The following IFT122 variants were observed in gnomAD, a reference collection of about 807,000 sequenced individuals.
The protein encoded by IFT122 is intraflagellar transport 122.
A neutral mutation model predicts 161.6 loss-of-function variants in IFT122; 118 were observed. The observed-to-expected ratio is 0.73, with a 90% CI of 0.63 to 0.85. The LOEUF is 0.85. IFT122 is among the 40% of genes least tolerant of loss of function. The pLI is 0.00. For synonymous variants in IFT122, 550 were observed against 602.4 expected, an observed-to-expected ratio of 0.91 and a Z score of 1.27; for missense variants, 1,381 against 1,579.6, an observed-to-expected ratio of 0.87 and a Z score of 2.13.
At chr3:129,464,301 T>C (rs2076483275) in intron 6 of IFT122, among the ~76,000 whole-genome samples, 1 of 151,972 alleles carries the variant, frequency 6.6e-6, no homozygotes. Flanking sequence ...GCTCTTTAAG[T>C]GGGAGGGGAT....
intron 15 of IFT122, chr3:129,487,787 G>T: frequency 3.5e-6 from 1 of 286,542 alleles, no homozygotes; most frequent in Non-Finnish European, 6.8e-6. Context: ...GTGGGAACAG[G>T]CCTGTAACTG....
At chr3:129,467,472 A>G (rs2076931452) in intron 8 of IFT122, among the ~76,000 whole-genome samples, 1 of 152,008 alleles carries the variant, frequency 6.6e-6, no homozygotes, top group Non-Finnish European at 1.5e-5. Flanking sequence ...GAAGAACATG[A>G]TTTTTAATGT....
At chr3:129,463,335 C>T (rs1016297879) in intron 5 of IFT122, 5 of 502,358 alleles carry the variant, frequency 1.0e-5, no homozygotes, top group Admixed American at 9.3e-5. Context: ...TATCTCCAAA[C>T]CCTGGTAACC....
At chr3:129,450,472 C>T (rs951977679) in intron 2 of IFT122, among the ~76,000 whole-genome samples, 1 of 152,192 alleles carries the variant, frequency 6.6e-6, no homozygotes, top group African/African-American at 2.4e-5. Context: ...TTTGTATGAT[C>T]TCTCTTTCTG....
chr3:129,478,429 T>C (rs2078224387), intron 12 of IFT122, among the ~76,000 whole-genome samples: 5 of 148,364 alleles, frequency 3.4e-5, no homozygotes, highest in Admixed American at 3.3e-4. Context: ...GAGAATGTTT[T>C]TTTGTTTTAT....
rs139962927 is a variant in IFT122, at chr3:129,464,725, C to T, written c.507C>T (p.Ile169=). 8.7e-6 allele frequency: 14 copies of T among 1,613,948 alleles called. No homozygotes were observed. Among genetic ancestry groups the T allele is most frequent in the Non-Finnish European group, 1.2e-5 (14 of 1,180,008 alleles). Residue 169 remains isoleucine (I), a synonymous_variant, in exon 7 of 30, where the codon ATC becomes ATT. Transcript: ENST00000348417. Reference sequence around the variant, plus strand: ...AAAATGGCGAGGAGAAAGTAAAGATCGAGCGGCCGGGGGGCTCCCTCTCGC... The same window carrying T: ...AAAATGGCGAGGAGAAAGTAAAGATTGAGCGGCCGGGGGGCTCCCTCTCGC... The part of the protein sequence containing the change: ...RNKNGEEKVK[I]ERPGGSLSPI...
intron 1 of IFT122, among the ~76,000 whole-genome samples, chr3:129,446,558 T>G (rs927845029): frequency 4.6e-5 from 7 of 152,120 alleles, no homozygotes; most frequent in Non-Finnish European, 8.8e-5. Context: ...TCAGAAAAAT[T>G]TTAAATCAAC....
At chr3:129,481,908 C>A (rs145394431) in intron 14 of IFT122, among the ~76,000 whole-genome samples, 50 of 152,352 alleles carry the variant, frequency 3.3e-4, no homozygotes, top group Middle Eastern at 3.4e-3. Context: ...GCCTCTTTAA[C>A]TTTGGTTTCC....
At chr3:129,503,394 CAG>C (rs528541444) in intron 20 of IFT122, among the ~76,000 whole-genome samples, 119 of 152,306 alleles carry the variant, frequency 7.8e-4, no homozygotes, top group Admixed American at 3.7e-3. Context: ...TCTCTGGTGT[CAG>C]GGGCTGTAAA....
chr3:129,492,359 G>T (rs1273766194), intron 17 of IFT122, among the ~76,000 whole-genome samples, 165 bp downstream of exon 17: 3 of 152,156 alleles, frequency 2.0e-5, no homozygotes, highest in African/African-American at 4.8e-5. Flanking sequence ...GGCCACACTG[G>T]GGGAGACAAC....
At chr3:129,511,630 T>A (rs905490718) in intron 23 of IFT122, among the ~76,000 whole-genome samples, 2 of 152,224 alleles carry the variant, frequency 1.3e-5, no homozygotes, top group South Asian at 4.1e-4. Context: ...AATTCCTTAT[T>A]TGTCTGCTGA....
chr3:129,511,375 G>A (rs1268472729), intron 23 of IFT122, among the ~76,000 whole-genome samples: 1 of 152,234 alleles, frequency 6.6e-6, no homozygotes, highest in Non-Finnish European at 1.5e-5. Flanking sequence ...CTGAACTGAA[G>A]AAGTGTAGAG....
intron 27 of IFT122, among the ~76,000 whole-genome samples, chr3:129,518,641 C>T (rs1425201596): frequency 6.6e-6 from 1 of 152,168 alleles, no homozygotes; most frequent in Non-Finnish European, 1.5e-5. Context: ...GGCCTCCCTG[C>T]AGGACCCCTG....
At chr3:129,485,409 C>G (rs1442228662) in intron 15 of IFT122, among the ~76,000 whole-genome samples, 1 of 152,182 alleles carries the variant, frequency 6.6e-6, no homozygotes, top group Non-Finnish European at 1.5e-5. Context: ...CCATGCCTGA[C>G]ACAGATCAGC....
intron 23 of IFT122, among the ~76,000 whole-genome samples, chr3:129,511,193 A>G (rs1389854611): frequency 1.3e-5 from 2 of 152,190 alleles, no homozygotes; most frequent in African/African-American, 4.8e-5. Context: ...CTCCCCTGCT[A>G]CCTATTCTCT....
chr3:129,519,838 G>A (rs1578260258), intron 29 of IFT122, 106 bp downstream of exon 29: 1 of 1,359,020 alleles, frequency 7.4e-7, no homozygotes, highest in East Asian at 2.3e-5. Flanking sequence ...GCACATCCAT[G>A]GCTCCAAGTT....
At position 129,519,571 on chromosome 3, in the gene IFT122, G is replaced by A. The variant is rs756309435; in HGVS notation, c.3475G>A (p.Gly1159Ser). 1.2e-6 allele frequency: 2 copies of A among 1,613,406 alleles called. No homozygotes were observed. The highest frequency in any genetic ancestry group is 1.7e-6 in the Non-Finnish European group (2 of 1,180,024). Residue 1159 changes from glycine (G) to serine (S), a missense_variant, in exon 29 of 30, where the codon GGT becomes AGT. Physicochemically the swap from Gly to Ser is moderately conservative, Grantham distance 56. Coordinates refer to ENST00000348417, the MANE Select transcript of IFT122 (RefSeq NM_052989.3). ...CTCCTTCCCGCCCACCCTGCAGCAA[G>A]GTGGCTCAGAGTTCGTGCCAGTGGT... ...PFTAKLSFEQ[G>S]GSEFVPVVVS...
At position 129,502,742 on chromosome 3, in the gene IFT122, G is replaced by A; in HGVS notation, c.2407G>A (p.Ala803Thr). The A allele has an allele frequency of 6.2e-7, 1 of 1,610,380 alleles. No homozygotes were observed. Among genetic ancestry groups the A allele is most frequent in the South Asian group, 1.1e-5 (1 of 91,090 alleles). The change falls in exon 20 of 30, where the codon GCT (alanine) becomes ACT (threonine). Residue 803 changes from alanine to threonine, a missense_variant. Physicochemically the swap from Ala to Thr is moderately conservative, Grantham distance 58 (BLOSUM62 0). Coordinates refer to ENST00000348417, the MANE Select transcript of IFT122 (RefSeq NM_052989.3). ...LIDIARKLDK[A>T]EREPLLLCAT... ...CGACATCGCCCGCAAACTGGACAAG[G>A]CTGAGCGCGAGCCCCTGCTGCTGTG...
chr3:129,518,309 G>A (rs985947609), intron 27 of IFT122, among the ~76,000 whole-genome samples: 1 of 152,250 alleles, frequency 6.6e-6, no homozygotes, highest in Non-Finnish European at 1.5e-5. Flanking sequence ...AGTTGTCCAG[G>A]GCAGGCCACA....
Sources: allele counts gnomAD v4.1 joint callset (sites outside exome capture counted in the v4.1 genomes callset), GRCh38; gene constraint gnomAD v4.1.1; transcripts MANE v1.5; gene names NCBI Gene and HGNC (gene_info 2026-07-23, HGNC 2026-07-21).